The following ZC3H3 variants were observed in gnomAD, a reference collection of about 807,000 sequenced individuals.
The protein encoded by ZC3H3 is zinc finger CCCH domain-containing protein 3.
In ZC3H3, 36 loss-of-function variants were observed where a neutral mutation model predicts 77.3. That is an observed-to-expected ratio of 0.47 (90% CI 0.36 to 0.61). The LOEUF is 0.61. Among genes scored for constraint, ZC3H3 ranks in the 20% least tolerant of loss-of-function variants. The pLI, the probability that ZC3H3 is intolerant of heterozygous loss-of-function variation, is 0.00. For synonymous variants in ZC3H3, 626 were observed against 555.2 expected (o/e 1.13, Z -1.79); for missense variants, 1,331 against 1,312.2 (o/e 1.01, Z -0.22).
intron 9 of ZC3H3, among the ~76,000 whole-genome samples, chr8:143,465,051 C>T (rs1005394724): frequency 2.0e-5 from 3 of 152,094 alleles, no homozygotes; most frequent in African/African-American, 7.2e-5. Flanking sequence ...GCTGCACTGC[C>T]GGGAACTTCC....
In ZC3H3 at chr8:143,537,951, A is replaced by C. The variant is rs575369949; in HGVS notation, c.1364+52T>G. 11 of 1,510,212 alleles carry C rather than the reference A, an allele frequency of 7.3e-6. 2 individuals are homozygous for C. In the African/African-American group the frequency reaches 1.2e-4, roughly 17 times the overall value. 93.6% of individuals were successfully genotyped at this position (1,510,212 alleles called of 1,614,324 possible). A position where few individuals can be genotyped will look rare whatever the true frequency, so the allele number is the denominator to read the frequency against. On this transcript the variant is annotated intron_variant, in intron 2 of 11. Transcript: ENST00000262577. ...AGCAGATCCATTAGGGGTGCCAAACAAACCCTCCTCACAGCCCCTCACACT... is the reference window on the plus strand; with the variant it reads ...AGCAGATCCATTAGGGGTGCCAAACCAACCCTCCTCACAGCCCCTCACACT...
rs1428907992 is a variant in ZC3H3, at chr8:143,494,954, C to G, written c.1715+12792G>C. On this transcript the variant is annotated intron_variant, in intron 4 of 11. Transcript: ENST00000262577. This position sits in a 1 kb window ranked among gnomAD's most constrained non-coding sequence, Gnocchi z 5.3. ...ATGAAAACCACAGTGAGAGGCCACA[C>G]ACGTGAGAATGCAGATTAGAAAGGC... Among the ~76,000 whole-genome samples, 2 of 152,166 alleles carry G rather than the reference C, an allele frequency of 1.3e-5. No homozygotes were observed. The highest frequency in any genetic ancestry group is 2.9e-5 in the Non-Finnish European group (2 of 68,034).
At chr8:143,522,281 T>C (rs541721195) in intron 3 of ZC3H3, among the ~76,000 whole-genome samples, 2 of 152,216 alleles carry the variant, frequency 1.3e-5, no homozygotes, top group Non-Finnish European at 2.9e-5. Flanking sequence ...CTGACCTCAC[T>C]ACAGGCCTAT....
intron 4 of ZC3H3, among the ~76,000 whole-genome samples, chr8:143,503,372 C>A (rs1437564653): frequency 6.6e-6 from 1 of 152,170 alleles, no homozygotes; most frequent in Non-Finnish European, 1.5e-5. Flanking sequence ...TCCTCAGAGA[C>A]CCTGGCTGGC....
intron 3 of ZC3H3, among the ~76,000 whole-genome samples, chr8:143,517,949 A>T (rs1822114397): frequency 6.6e-6 from 1 of 152,228 alleles, no homozygotes; most frequent in Non-Finnish European, 1.5e-5. Context: ...CCAGGACAGC[A>T]GCTCCAGGCT....
At chr8:143,443,544 T>C (rs542178156) in intron 9 of ZC3H3, among the ~76,000 whole-genome samples, 2 of 152,272 alleles carry the variant, frequency 1.3e-5, no homozygotes, top group Non-Finnish European at 2.9e-5. Context: ...GGAAAATACA[T>C]AGCCTTAAAT....
intron 4 of ZC3H3, among the ~76,000 whole-genome samples, chr8:143,487,666 C>T (rs1258669139): frequency 6.3e-5 from 3 of 47,252 alleles, no homozygotes; most frequent in Non-Finnish European, 8.9e-5. Context: ...GAACAGCACC[C>T]GCTACACGAC....
chr8:143,536,576 G>T (rs574846157), intron 2 of ZC3H3, 123 bp from the exon 3 acceptor site: 449 of 1,047,510 alleles, frequency 4.3e-4, no homozygotes, highest in Middle Eastern at 3.6e-3. Flanking sequence ...GCCACAGCGG[G>T]TCCTTTCTGG....
chr8:143,455,543 C>G (rs1213818097), intron 9 of ZC3H3, among the ~76,000 whole-genome samples: 1 of 151,872 alleles, frequency 6.6e-6, no homozygotes, highest in African/African-American at 2.4e-5. Flanking sequence ...TCTGAGGTTG[C>G]TGAGATCTAC....
chr8:143,534,935 G>A lies in ZC3H3; in HGVS notation c.1561+1322C>T, dbSNP rs571505458. On this transcript the variant is annotated intron_variant, in intron 3 of 11. Transcript: ENST00000262577. ...TCGCCCCATTCAGCCCTCCACCTGG[G>A]ACCCAACGCCCTGCCCTCCCGCGGC... Among the ~76,000 whole-genome samples the A allele has an allele frequency of 2.6e-5, 4 of 152,156 alleles. No homozygotes were observed. In the East Asian group the frequency reaches 7.7e-4, roughly 29 times the overall value.
intron 4 of ZC3H3, among the ~76,000 whole-genome samples, chr8:143,506,960 C>A (rs1411613008): frequency 6.6e-6 from 1 of 152,266 alleles, no homozygotes; most frequent in African/African-American, 2.4e-5. Context: ...CCACGCCACT[C>A]CCCCAGGAGC....
intron 4 of ZC3H3, among the ~76,000 whole-genome samples, chr8:143,481,265 G>C (rs557373727): frequency 3.9e-5 from 6 of 152,186 alleles, no homozygotes; most frequent in Non-Finnish European, 7.4e-5. Context: ...GACCACAGTG[G>C]GGCCAGAGAC....
At position 143,494,381 on chromosome 8, in the gene ZC3H3, C is replaced by T. The variant is rs1369764936; in HGVS notation, c.1715+13365G>A. ...GCCAGCCCTCCCTCTGAGCAGGCCC[C>T]AGGCTCTGGGTGGGAAAAGCACAAA... On this transcript the variant is annotated intron_variant, in intron 4 of 11. Transcript: ENST00000262577. This position sits in a 1 kb window ranked among gnomAD's most constrained non-coding sequence, Gnocchi z 5.3. Among the ~76,000 whole-genome samples, 5 of 152,236 alleles carry T rather than the reference C, an allele frequency of 3.3e-5. No homozygotes were observed. Among genetic ancestry groups the T allele is most frequent in the Non-Finnish European group, 1.5e-5 (1 of 68,030 alleles).
chr8:143,458,914 A>T (rs1017067175), intron 9 of ZC3H3, among the ~76,000 whole-genome samples: 32 of 152,202 alleles, frequency 2.1e-4, no homozygotes, highest in African/African-American at 7.5e-4. Flanking sequence ...TGAGCCCAGG[A>T]GTTCGAGACT....
intron 4 of ZC3H3, among the ~76,000 whole-genome samples, chr8:143,503,612 G>A (rs1386838937): frequency 3.9e-5 from 4 of 101,860 alleles, no homozygotes; most frequent in African/African-American, 7.8e-5. Flanking sequence ...CCAGCACCCA[G>A]CCGGCTCCAC....
chr8:143,477,065 T>C (rs372513), intron 4 of ZC3H3, among the ~76,000 whole-genome samples: 1 of 152,066 alleles, frequency 6.6e-6, no homozygotes, highest in Non-Finnish European at 1.5e-5. Flanking sequence ...GAGCAGCCCT[T>C]CTGTCGGGTT....
intron 3 of ZC3H3, among the ~76,000 whole-genome samples, chr8:143,508,535 G>A (rs1243237357): frequency 6.6e-6 from 1 of 152,222 alleles, no homozygotes; most frequent in Non-Finnish European, 1.5e-5. Context: ...TTTTGCCCGA[G>A]TTCCCTTCCA....
intron 4 of ZC3H3, among the ~76,000 whole-genome samples, chr8:143,481,542 T>G (rs1252647736): frequency 2.0e-5 from 3 of 152,200 alleles, no homozygotes; most frequent in African/African-American, 7.2e-5. Context: ...CGCCAGGGGC[T>G]CCACAGCAGG....
chr8:143,513,561 T>TG (rs1195543059), intron 3 of ZC3H3, among the ~76,000 whole-genome samples: 1 of 152,224 alleles, frequency 6.6e-6, no homozygotes, highest in African/African-American at 2.4e-5. Context: ...CAACAGAGCA[T>TG]GTGGCCCATG....
Sources: gnomAD v4.1 joint callset for allele counts (sites outside exome capture counted in the v4.1 genomes callset) on GRCh38, gnomAD v4.1.1 for gene constraint, Gnocchi (gnomAD v3.1) non-coding constraint, MANE v1.5 for transcripts, NCBI Gene and HGNC (gene_info 2026-07-23, HGNC 2026-07-21) for gene names.